Variants in SPATA9 observed in about 807,000 individuals in gnomAD.
The protein encoded by SPATA9 is spermatogenesis associated 9, also known as spermatogenesis-associated protein 9.
A neutral mutation model predicts 25.5 loss-of-function variants in SPATA9; 27 were observed. The observed-to-expected ratio is 1.06, with a 90% CI of 0.78 to 1.46. The LOEUF (loss-of-function observed/expected upper bound fraction) is 1.46, where lower values mean the gene tolerates loss of function less well. SPATA9 is among the 40% of genes most tolerant of loss of function. The pLI, the probability that SPATA9 is intolerant of heterozygous loss-of-function variation, is 0.00. For synonymous variants in SPATA9, 102 were observed against 105.7 expected (o/e 0.97, Z 0.21); for missense variants, 282 against 297.5 (o/e 0.95, Z 0.38).
chr5:95,731,095 G>A, the SPATA9 span: 1 of 1,110,586 alleles, frequency 9.0e-7, no homozygotes, highest in Non-Finnish European at 1.1e-6. Flanking sequence ...TGGCGGCTGG[G>A]AGCTCTCGGG....
chr5:95,663,394 A>G (rs1209526960), intron 4 of SPATA9, among the ~76,000 whole-genome samples: 4 of 152,180 alleles, frequency 2.6e-5, no homozygotes, highest in African/African-American at 9.6e-5. Context: ...GGCTTCTGGA[A>G]TTATGGTAAT....
downstream of SPATA9, among the ~76,000 whole-genome samples, chr5:95,654,926 T>G (rs1373068338): frequency 6.6e-6 from 1 of 152,090 alleles, no homozygotes; most frequent in African/African-American, 2.4e-5. Flanking sequence ...ATATACAGTA[T>G]AAATATATTT....
At position 95,658,331 on chromosome 5, in the gene SPATA9, A is replaced by ATGTATTATAAATATGCT. The variant is rs1319903910; in HGVS notation, c.*275_*291dup. On this transcript the variant is annotated 3_prime_UTR_variant, in exon 5 of 5. Coordinates refer to ENST00000274432, the MANE Select transcript of SPATA9 (RefSeq NM_031952.4). The stretch of plus-strand genomic sequence containing the variant: ...AAACAAGTCTTTAATAAAAACATTA[A>ATGTATTATAAATATGCT]TGTATTATAAATATGCTTATATTAT... The ATGTATTATAAATATGCT allele has an allele frequency of 1.4e-5, 3 of 207,100 alleles. No individual in the cohort carries two copies. The highest frequency in any genetic ancestry group is 2.9e-5 in the Non-Finnish European group (3 of 104,278). 12.8% of individuals were successfully genotyped at this position (207,100 alleles called of 1,614,324 possible).
chr5:95,679,759 G>A (rs1753264511), intron 2 of SPATA9, among the ~76,000 whole-genome samples: 1 of 152,194 alleles, frequency 6.6e-6, no homozygotes, highest in African/African-American at 2.4e-5. Context: ...GGCTAAATCA[G>A]TATTGTCTTC....
chr5:95,697,446 A>G (rs1169085820), intron 1 of SPATA9, among the ~76,000 whole-genome samples: 1 of 152,200 alleles, frequency 6.6e-6, no homozygotes, highest in Non-Finnish European at 1.5e-5. Flanking sequence ...AGGGGTGGCA[A>G]GGAGAGACAC....
upstream of SPATA9, among the ~76,000 whole-genome samples, chr5:95,683,530 ATAGTT>A (rs1753621094): frequency 6.6e-6 from 1 of 151,946 alleles, no homozygotes; most frequent in South Asian, 2.1e-4. Flanking sequence ...TTATATATAT[ATAGTT>A]TGTTTGTTTG....
intron 2 of SPATA9, among the ~76,000 whole-genome samples, chr5:95,679,465 C>A (rs1190129335): frequency 6.6e-6 from 1 of 152,188 alleles, no homozygotes; most frequent in Non-Finnish European, 1.5e-5. Flanking sequence ...TTAGAAAACC[C>A]AGTTTGCCCT....
At chr5:95,715,359 G>A in the SPATA9 span, among the ~76,000 whole-genome samples, 1 of 151,812 alleles carries the variant, frequency 6.6e-6, no homozygotes, top group Non-Finnish European at 1.5e-5. Flanking sequence ...ATTGCAAAGG[G>A]CCAAGACAAG....
chr5:95,656,508 C>T (rs1209882951), downstream of SPATA9: 15 of 498,784 alleles, frequency 3.0e-5, no homozygotes, highest in East Asian at 3.9e-4. Flanking sequence ...TACATTTTAT[C>T]GAATCTTCTG....
intron 1 of SPATA9, among the ~76,000 whole-genome samples, chr5:95,692,303 T>C (rs1248562278): frequency 6.6e-6 from 1 of 152,166 alleles, no homozygotes; most frequent in Non-Finnish European, 1.5e-5. Flanking sequence ...AACTCAGCTG[T>C]AGAAATATTT....
the SPATA9 span, among the ~76,000 whole-genome samples, chr5:95,706,766 GA>G: frequency 6.6e-6 from 1 of 152,010 alleles, no homozygotes; most frequent in African/African-American, 2.4e-5. Flanking sequence ...TATCTAAACA[GA>G]AACTCTGAAT....
At chr5:95,674,734 G>A (rs1309102679) in intron 3 of SPATA9, 1 of 456,552 alleles carries the variant, frequency 2.2e-6, no homozygotes, top group South Asian at 1.5e-5. Flanking sequence ...TTGTTTATGG[G>A]AGCTAATACA....
At position 95,672,280 on chromosome 5, in the gene SPATA9, G is replaced by A. The variant is rs186174574; in HGVS notation, c.378+3132C>T. ...TGGTCTCCATGTGGGACTCCCATGA[G>A]AGATTAGAATTCCAGGCTTTCCCCT... is the stretch of plus-strand genomic sequence containing the variant. On this transcript the variant is annotated intron_variant, in intron 3 of 4. Coordinates refer to ENST00000274432, the MANE Select transcript of SPATA9 (RefSeq NM_031952.4). Among the ~76,000 whole-genome samples, 3 of 152,268 alleles carry A rather than the reference G, an allele frequency of 2.0e-5. No individual in the cohort carries two copies. The East Asian group carries it at 5.8e-4, about 29-fold the overall frequency.
At chr5:95,668,819 T>A (rs1269061061) in intron 3 of SPATA9, among the ~76,000 whole-genome samples, 3 of 152,164 alleles carry the variant, frequency 2.0e-5, no homozygotes, top group Non-Finnish European at 4.4e-5. Context: ...TTGAGATAAA[T>A]CACACAAAAA....
intron 4 of SPATA9, among the ~76,000 whole-genome samples, chr5:95,660,482 G>A (rs412026): frequency 0.34 from 51,732 of 151,958 alleles, 8,760 homozygotes; most frequent in Middle Eastern, 0.41. Context: ...AGATATTTAA[G>A]TATCTTTATC....
At chr5:95,697,859 A>AAAATGACATTCCATG (rs1580359893) in intron 1 of SPATA9, among the ~76,000 whole-genome samples, 1 of 152,164 alleles carries the variant, frequency 6.6e-6, no homozygotes, top group African/African-American at 2.4e-5. Flanking sequence ...CTTTCAAGTG[A>AAAATGACATTCCATG]AAATGACATT....
chr5:95,709,685 C>T, the SPATA9 span, among the ~76,000 whole-genome samples: 2 of 152,174 alleles, frequency 1.3e-5, no homozygotes, highest in Non-Finnish European at 1.5e-5. Flanking sequence ...TTTTTGGTAG[C>T]AAATGCTTCA....
chr5:95,693,368 A>G (rs568353801), intron 1 of SPATA9, among the ~76,000 whole-genome samples: 67 of 152,390 alleles, frequency 4.4e-4, no homozygotes, highest in Non-Finnish European at 6.8e-4. Context: ...TAATATATCC[A>G]TAATAGCTGC....
At chr5:95,652,303 C>T, downstream of SPATA9, 4 of 1,550,552 alleles carry the variant, frequency 2.6e-6, no homozygotes, top group East Asian at 2.4e-5. Context: ...TGTCTTAGAC[C>T]TTCTTCCTTA....
Sources: allele counts gnomAD v4.1 joint callset (sites outside exome capture counted in the v4.1 genomes callset), GRCh38; gene constraint gnomAD v4.1.1; transcripts MANE v1.5; gene names NCBI Gene and HGNC (gene_info 2026-07-23, HGNC 2026-07-21).